The following ELMO1 variants were observed in gnomAD, a reference collection of about 807,000 sequenced individuals.
ELMO1 encodes the protein engulfment and cell motility 1.
A neutral mutation model predicts 98.9 loss-of-function variants in ELMO1; 26 were observed. The ratio of observed to expected loss-of-function variants is 0.26; its 90% CI spans 0.19 to 0.36. ELMO1 has a LOEUF of 0.36. Ranked by LOEUF, ELMO1 falls within the 10% of genes least tolerant of loss-of-function variation. The probability of loss-of-function intolerance (pLI) is 1.00; values close to 1 mark genes in which losing one functional copy is unlikely to be tolerated. For missense variants in ELMO1, 627 were observed against 935.2 expected (o/e 0.67, Z 4.30); for synonymous variants, 346 against 346.0 (o/e 1.00, Z 0.00).
intron 13 of ELMO1, among the ~76,000 whole-genome samples, chr7:37,164,155 C>A (rs1355000141): frequency 2.0e-5 from 3 of 152,144 alleles, no homozygotes; most frequent in African/African-American, 4.8e-5. Context: ...AGTGTCTGTT[C>A]ATATCCTTTG....
At chr7:37,152,227 G>A (rs1788412915) in intron 13 of ELMO1, among the ~76,000 whole-genome samples, 1 of 152,176 alleles carries the variant, frequency 6.6e-6, no homozygotes, top group South Asian at 2.1e-4. Flanking sequence ...AGAGGAAGCG[G>A]TGCCTGAAAT....
chr7:37,350,519 TC>T (rs1801213782), intron 1 of ELMO1, among the ~76,000 whole-genome samples: 2 of 152,218 alleles, frequency 1.3e-5, no homozygotes, highest in Non-Finnish European at 2.9e-5. Flanking sequence ...TACTCACTCT[TC>T]TTCACAGCCC....
At chr7:37,398,083 T>C (rs912869068) in intron 1 of ELMO1, among the ~76,000 whole-genome samples, 2 of 152,184 alleles carry the variant, frequency 1.3e-5, no homozygotes, top group African/African-American at 2.4e-5. Flanking sequence ...GATGGGTTGA[T>C]AGGTGCAGCA....
rs1301592841 is a variant in ELMO1 at position 36,855,147 on chromosome 7, AG to A, written c.*403del. ...AATAGCTAGGCCATTTCCTCCAGAC[AG>A]GGGCCTTGGGGCACTGCCCTTGGTC... On this transcript the variant is annotated 3_prime_UTR_variant, in exon 22 of 22. Coordinates refer to ENST00000310758, the MANE Select transcript of ELMO1 (RefSeq NM_014800.11). This position sits in a 1 kb window ranked among gnomAD's most constrained non-coding sequence, Gnocchi z 4.2. 1 of 232,944 alleles carries A rather than the reference AG, an allele frequency of 4.3e-6. No homozygotes were observed. Among genetic ancestry groups the A allele is most frequent in the African/African-American group, 2.3e-5 (1 of 44,292 alleles). The allele number at this position is 232,944 out of a possible 1,614,324, so 14.4% of individuals were successfully genotyped here.
intron 7 of ELMO1, among the ~76,000 whole-genome samples, chr7:37,242,409 C>G (rs1461605963): frequency 6.6e-6 from 1 of 152,158 alleles, no homozygotes; most frequent in African/African-American, 2.4e-5. Context: ...AAACCTTCAT[C>G]TGCTAATTCC....
intron 16 of ELMO1, among the ~76,000 whole-genome samples, chr7:36,922,889 A>G (rs1453196269): frequency 2.6e-5 from 4 of 152,174 alleles, no homozygotes; most frequent in Admixed American, 6.5e-5. Context: ...GAGTCTCCCA[A>G]TGCACCTCCT....
chr7:37,257,323 T>C (rs1795717917), intron 6 of ELMO1, among the ~76,000 whole-genome samples: 1 of 152,214 alleles, frequency 6.6e-6, no homozygotes, highest in Non-Finnish European at 1.5e-5. Flanking sequence ...GCATGGTGGC[T>C]CATGCCTGTA....
chr7:37,154,679 A>G (rs1584730113), intron 13 of ELMO1, among the ~76,000 whole-genome samples: 1 of 152,366 alleles, frequency 6.6e-6, no homozygotes, highest in African/African-American at 2.4e-5. Context: ...GACCAAATCT[A>G]CATTTGACTA....
At chr7:36,984,903 C>T in intron 16 of ELMO1, 1 of 985,398 alleles carries the variant, frequency 1.0e-6, no homozygotes, top group Non-Finnish European at 1.2e-6. Context: ...CAACCCAAGC[C>T]AATGGCATTA....
chr7:37,151,141 GATCT>G (rs1384217484), intron 13 of ELMO1, among the ~76,000 whole-genome samples: 1 of 152,212 alleles, frequency 6.6e-6, no homozygotes, highest in Admixed American at 6.5e-5. Flanking sequence ...CCAGGAAGAG[GATCT>G]GTCTGATTTG....
At chr7:37,367,121 A>G (rs1195330109) in intron 1 of ELMO1, among the ~76,000 whole-genome samples, 1 of 152,164 alleles carries the variant, frequency 6.6e-6, no homozygotes, top group Non-Finnish European at 1.5e-5. Context: ...CCCCAGACAC[A>G]CCACACTGTC....
chr7:37,253,555 C>T (rs1183223972), intron 6 of ELMO1, among the ~76,000 whole-genome samples: 1 of 152,066 alleles, frequency 6.6e-6, no homozygotes, highest in Non-Finnish European at 1.5e-5. Context: ...GGGCGGGGAA[C>T]ATCACACACC....
chr7:37,075,296 G>C (rs900833096), intron 15 of ELMO1, among the ~76,000 whole-genome samples: 10 of 149,876 alleles, frequency 6.7e-5, no homozygotes, highest in African/African-American at 2.2e-4. Context: ...ACAGGCGCCC[G>C]CCACCACACC....
At chr7:37,366,995 AT>A (rs1449974374) in intron 1 of ELMO1, among the ~76,000 whole-genome samples, 7 of 152,216 alleles carry the variant, frequency 4.6e-5, no homozygotes, top group African/African-American at 1.2e-4. Flanking sequence ...TAAAAGCAAA[AT>A]CTCTCTAATG....
At chr7:37,059,426 T>G (rs1796553845) in intron 15 of ELMO1, among the ~76,000 whole-genome samples, 1 of 152,242 alleles carries the variant, frequency 6.6e-6, no homozygotes, top group South Asian at 2.1e-4. Context: ...TGCGTCAATC[T>G]TCTAGTATAG....
intron 20 of ELMO1, among the ~76,000 whole-genome samples, chr7:36,862,599 TCAG>T (rs754652255): frequency 2.0e-5 from 3 of 152,328 alleles, no homozygotes; most frequent in Non-Finnish European, 4.4e-5. Context: ...GTCTGAGCGG[TCAG>T]CAGAAGATGA....
intron 1 of ELMO1, among the ~76,000 whole-genome samples, chr7:37,440,856 T>C (rs1292352231): frequency 6.6e-6 from 1 of 151,564 alleles, no homozygotes; most frequent in Non-Finnish European, 1.5e-5. Flanking sequence ...TTACTGAGTG[T>C]TATTGGAATT....
intron 15 of ELMO1, among the ~76,000 whole-genome samples, chr7:37,034,710 G>A (rs914466615): frequency 6.6e-6 from 1 of 152,100 alleles, no homozygotes; most frequent in African/African-American, 2.4e-5. Context: ...TGTTGTTTGG[G>A]GGCAAGTAGA....
At chr7:37,234,199 C>T (rs1308425634) in intron 7 of ELMO1, among the ~76,000 whole-genome samples, 1 of 152,032 alleles carries the variant, frequency 6.6e-6, no homozygotes, top group African/African-American at 2.4e-5. Context: ...GCACTGATTC[C>T]TAGGTTCAAT....
Sources: gnomAD v4.1 joint callset for allele counts (sites outside exome capture counted in the v4.1 genomes callset) on GRCh38, gnomAD v4.1.1 for gene constraint, Gnocchi (gnomAD v3.1) non-coding constraint, MANE v1.5 for transcripts, NCBI Gene and HGNC (gene_info 2026-07-23, HGNC 2026-07-21) for gene names.